Variants in CFAP20DC observed in about 807,000 individuals in gnomAD.
CFAP20DC encodes CFAP20 domain containing.
Under a neutral mutation model 101.7 loss-of-function variants are expected in CFAP20DC, and 84 were observed. That is an observed-to-expected ratio of 0.83 (90% CI 0.69 to 0.99). The LOEUF (loss-of-function observed/expected upper bound fraction) is 0.99, where lower values mean the gene tolerates loss of function less well. CFAP20DC is among the 50% of genes least tolerant of loss of function. The pLI, the probability that CFAP20DC is intolerant of heterozygous loss-of-function variation, is 0.00. For synonymous variants in CFAP20DC, 359 were observed against 351.2 expected (o/e 1.02, Z -0.25); for missense variants, 1,007 against 970.3 (o/e 1.04, Z -0.50).
At chr3:58,810,531 T>C (rs1575710974) in intron 14 of CFAP20DC, among the ~76,000 whole-genome samples, 1 of 152,038 alleles carries the variant, frequency 6.6e-6, no homozygotes, top group African/African-American at 2.4e-5. Context: ...TCTCAATAAA[T>C]TAGGTATTGA....
chr3:58,825,588 C>T lies in CFAP20DC; in HGVS notation c.2175+6098G>A, dbSNP rs1417755350. On this transcript the variant is annotated intron_variant, in intron 14 of 16. Transcript: ENST00000482387. ...GCTTTATGCTATTGTCAATCAAAAT[C>T]CCTCACCAAGATAAAATTCACTTAA... Among the ~76,000 whole-genome samples the T allele has an allele frequency of 2.0e-5, 3 of 151,962 alleles. No individual in the cohort carries two copies. The East Asian group carries it at 5.8e-4, about 29-fold the overall frequency.
At chr3:58,819,463 A>T (rs1276097242) in intron 14 of CFAP20DC, among the ~76,000 whole-genome samples, 1 of 150,260 alleles carries the variant, frequency 6.7e-6, no homozygotes, top group South Asian at 2.1e-4. Context: ...AGGGGATATC[A>T]CCACCGATCC....
chr3:58,941,881 C>T (rs564367307), intron 4 of CFAP20DC, among the ~76,000 whole-genome samples: 46 of 152,234 alleles, frequency 3.0e-4, no homozygotes, highest in East Asian at 1.4e-3. Context: ...CTTGCATTAC[C>T]GCAATGGCTA....
intron 2 of CFAP20DC, among the ~76,000 whole-genome samples, 189 bp downstream of exon 2, chr3:59,046,976 A>G (rs564473358): frequency 5.3e-5 from 8 of 152,176 alleles, no homozygotes; most frequent in African/African-American, 1.9e-4. Flanking sequence ...AAGGGTTATG[A>G]CCTGTGTGCC....
intron 15 of CFAP20DC, among the ~76,000 whole-genome samples, chr3:58,764,438 C>G (rs772892866): frequency 2.0e-5 from 3 of 152,106 alleles, no homozygotes; most frequent in Non-Finnish European, 4.4e-5. Flanking sequence ...ATCTGTCACC[C>G]CTTTCTTTGA....
chr3:58,764,155 A>T (rs1444538811), intron 15 of CFAP20DC, among the ~76,000 whole-genome samples: 1 of 152,174 alleles, frequency 6.6e-6, no homozygotes, highest in African/African-American at 2.4e-5. Context: ...AGAGACAGGC[A>T]GGCCTCCGTG....
chr3:59,029,823 G>A (rs2093955946), intron 4 of CFAP20DC, among the ~76,000 whole-genome samples: 1 of 152,194 alleles, frequency 6.6e-6, no homozygotes, highest in African/African-American at 2.4e-5. Flanking sequence ...GTAGTAGCAA[G>A]CGTGGGGAGA....
intron 5 of CFAP20DC, among the ~76,000 whole-genome samples, chr3:58,927,870 G>A (rs2086155924): frequency 6.6e-6 from 1 of 152,124 alleles, no homozygotes; most frequent in Non-Finnish European, 1.5e-5. Flanking sequence ...TTAAATAAGG[G>A]CTCTTTGGGA....
At chr3:58,848,363 T>C (rs1410987692) in intron 13 of CFAP20DC, among the ~76,000 whole-genome samples, 1 of 152,150 alleles carries the variant, frequency 6.6e-6, no homozygotes, top group Non-Finnish European at 1.5e-5. Context: ...ATTTAGGACA[T>C]GAAACATAGA....
At chr3:58,920,254 C>T (rs2085212240) in intron 5 of CFAP20DC, among the ~76,000 whole-genome samples, 1 of 151,614 alleles carries the variant, frequency 6.6e-6, no homozygotes, top group Admixed American at 6.6e-5. Flanking sequence ...ACATGTCTGG[C>T]TAATTTTAAA....
chr3:58,996,274 G>T (rs1315193367), intron 4 of CFAP20DC, among the ~76,000 whole-genome samples: 1 of 152,028 alleles, frequency 6.6e-6, no homozygotes, highest in Non-Finnish European at 1.5e-5. Flanking sequence ...TAATATGGTA[G>T]CAAAAGAGAA....
intron 15 of CFAP20DC, among the ~76,000 whole-genome samples, chr3:58,763,090 G>C (rs1037289182): frequency 6.6e-6 from 1 of 152,150 alleles, no homozygotes. Context: ...GGCCTGCCTT[G>C]CTAGATTGGG....
chr3:58,903,342 G>A lies in CFAP20DC; in HGVS notation c.550+10366C>T, dbSNP rs148726546. Among the ~76,000 whole-genome samples the A allele has an allele frequency of 4.5e-3, 685 of 152,228 alleles. 2 individuals carry two copies. Among genetic ancestry groups the A allele is most frequent in the Middle Eastern group, 0.01 (3 of 294 alleles). ...TTTTTGTATACGATATGTGGTAGGA[G>A]TCCACCTCATTTTTTTGCATGTGGA... On this transcript the variant is annotated intron_variant, in intron 6 of 16. Coordinates refer to ENST00000482387, the MANE Select transcript of CFAP20DC (RefSeq NM_001394063.1).
chr3:58,870,610 CG>C (rs2080092140), intron 7 of CFAP20DC, among the ~76,000 whole-genome samples: 1 of 151,356 alleles, frequency 6.6e-6, no homozygotes, highest in South Asian at 2.1e-4. Context: ...AAGAAAGGGC[CG>C]GGCGCGGTGG....
chr3:58,994,329 T>C (rs1005133792), intron 4 of CFAP20DC, among the ~76,000 whole-genome samples: 6 of 152,178 alleles, frequency 3.9e-5, no homozygotes, highest in African/African-American at 1.4e-4. Context: ...TGAGATTCAT[T>C]ACAGATGGCT....
At chr3:58,934,752 A>G (rs2087276181) in intron 5 of CFAP20DC, among the ~76,000 whole-genome samples, 3 of 152,242 alleles carry the variant, frequency 2.0e-5, no homozygotes, top group Non-Finnish European at 2.9e-5. Flanking sequence ...TCAATAAATT[A>G]GGTATTGATG....
At chr3:58,916,764 A>G (rs1182260240) in intron 5 of CFAP20DC, among the ~76,000 whole-genome samples, 1 of 152,168 alleles carries the variant, frequency 6.6e-6, no homozygotes, top group Admixed American at 6.6e-5. Flanking sequence ...TTTTTGATTT[A>G]GCTGATATTG....
chr3:58,866,551 A>G lies in CFAP20DC; in HGVS notation c.1258+15T>C. The stretch of plus-strand genomic sequence containing the variant: ...TATTCATTATTAACAGATATGGTGT[A>G]ATAAAGATGCCAACCTGATTGATCA... On this transcript the variant is annotated intron_variant, in intron 11 of 16. Coordinates refer to ENST00000482387, the MANE Select transcript of CFAP20DC (RefSeq NM_001394063.1). 1 of 1,589,902 alleles carries G rather than the reference A, an allele frequency of 6.3e-7. No homozygotes were observed.
At chr3:58,741,403 AGT>A (rs1302627356), downstream of CFAP20DC, among the ~76,000 whole-genome samples, 2 of 151,506 alleles carry the variant, frequency 1.3e-5, no homozygotes, top group Non-Finnish European at 2.9e-5. Flanking sequence ...AGTGGTGATG[AGT>A]GTGTGTGTGT....
Sources: gnomAD v4.1 joint callset for allele counts (sites outside exome capture counted in the v4.1 genomes callset) on GRCh38, gnomAD v4.1.1 for gene constraint, MANE v1.5 for transcripts, NCBI Gene and HGNC (gene_info 2026-07-23, HGNC 2026-07-21) for gene names.